Variants in GLRB observed in about 807,000 individuals in gnomAD.
GLRB encodes the protein glycine receptor subunit beta.
Under a neutral mutation model 54.2 loss-of-function variants are expected in GLRB, and 33 were observed. The ratio of observed to expected loss-of-function variants is 0.61; its 90% CI spans 0.46 to 0.81. GLRB has a LOEUF of 0.81. GLRB is among the 40% of genes least tolerant of loss of function. The pLI is 0.00. For synonymous variants in GLRB, 209 were observed against 208.2 expected (o/e 1.00, Z -0.03); for missense variants, 572 against 584.6 (o/e 0.98, Z 0.22).
chr4:157,148,355 T>C (rs1348517546), intron 8 of GLRB, among the ~76,000 whole-genome samples: 4 of 152,192 alleles, frequency 2.6e-5, no homozygotes, highest in African/African-American at 9.6e-5. Flanking sequence ...TCTCTATTTG[T>C]TTATTTTCCT....
intron 9 of GLRB, among the ~76,000 whole-genome samples, chr4:157,155,934 T>C (rs549452378): frequency 5.3e-5 from 8 of 151,950 alleles, no homozygotes; most frequent in African/African-American, 1.9e-4. Flanking sequence ...AAATGCTAGA[T>C]TTGTGATAGA....
intron 6 of GLRB, among the ~76,000 whole-genome samples, chr4:157,137,934 A>G (rs1380664133): frequency 6.6e-6 from 1 of 152,202 alleles, no homozygotes; most frequent in African/African-American, 2.4e-5. Flanking sequence ...TTTAAATTGT[A>G]GCCACATACC....
At chr4:157,149,085 TCTA>T (rs943780683) in intron 8 of GLRB, among the ~76,000 whole-genome samples, 3 of 152,110 alleles carry the variant, frequency 2.0e-5, no homozygotes, top group African/African-American at 7.2e-5. Context: ...CTTTCCTTAC[TCTA>T]CTATTTTTCC....
At chr4:157,139,135 T>C (rs114202363) in intron 7 of GLRB, among the ~76,000 whole-genome samples, 186 bp downstream of exon 7, 212 of 152,290 alleles carry the variant, frequency 1.4e-3, no homozygotes, top group African/African-American at 5.0e-3. Context: ...TTTGAACTTT[T>C]AATTATTAGA....
intron 9 of GLRB, among the ~76,000 whole-genome samples, chr4:157,159,631 A>G (rs1430576670): frequency 6.6e-6 from 1 of 152,218 alleles, no homozygotes; most frequent in African/African-American, 2.4e-5. Context: ...AGGATGGGTT[A>G]CATTTATTGA....
chr4:157,168,685 C>T (rs1243082589), intron 9 of GLRB, among the ~76,000 whole-genome samples: 1 of 151,958 alleles, frequency 6.6e-6, no homozygotes, highest in African/African-American at 2.4e-5. Context: ...TATTCCTCAT[C>T]AACATTTTTT....
rs3756127 is a variant in GLRB at position 157,137,734 on chromosome 4, A to G, written c.610+848A>G. Among the ~76,000 whole-genome samples, 940 of 152,246 alleles carry G rather than the reference A, an allele frequency of 6.2e-3. 22 individuals are homozygous for G. In the East Asian group the frequency reaches 0.1, roughly 16 times the overall value. On this transcript the variant is annotated intron_variant, in intron 6 of 9. Coordinates refer to ENST00000264428, the MANE Select transcript of GLRB (RefSeq NM_000824.5). Reference sequence around the variant, plus strand: ...AGATTTTGCACATGTATGTGTTTATATGTTTGCACATGTCTGTTTATGTTT... The same window carrying G: ...AGATTTTGCACATGTATGTGTTTATGTGTTTGCACATGTCTGTTTATGTTT...
chr4:157,083,607 G>A (rs57977555), intron 2 of GLRB, among the ~76,000 whole-genome samples: 64,175 of 151,960 alleles, frequency 0.42, 16,135 homozygotes, highest in African/African-American at 0.71. Flanking sequence ...AATACATTGT[G>A]TTTGATTACA....
At chr4:157,147,677 G>T (rs758117275) in intron 8 of GLRB, among the ~76,000 whole-genome samples, 1 of 152,160 alleles carries the variant, frequency 6.6e-6, no homozygotes, top group Non-Finnish European at 1.5e-5. Flanking sequence ...AAAAGTGCAG[G>T]AGCAGTGACC....
At chr4:157,166,935 A>T (rs1250112473) in intron 9 of GLRB, among the ~76,000 whole-genome samples, 2 of 152,110 alleles carry the variant, frequency 1.3e-5, no homozygotes, top group Non-Finnish European at 2.9e-5. Context: ...TAGATTAGAA[A>T]ATTGGAAATA....
At chr4:157,164,144 A>AT (rs200742243) in intron 9 of GLRB, among the ~76,000 whole-genome samples, 5,926 of 144,918 alleles carry the variant, frequency 0.041, 182 homozygotes, top group East Asian at 0.1. Flanking sequence ...CTTTACCAGT[A>AT]TTTTTTTTTT....
intron 9 of GLRB, among the ~76,000 whole-genome samples, chr4:157,165,744 CT>C (rs1486360808): frequency 2.0e-5 from 3 of 151,948 alleles, no homozygotes; most frequent in Non-Finnish European, 4.4e-5. Flanking sequence ...TAAGAACCTA[CT>C]GTTGTTAATG....
chr4:157,159,187 C>T (rs969724618), intron 9 of GLRB, among the ~76,000 whole-genome samples: 1 of 152,102 alleles, frequency 6.6e-6, no homozygotes, highest in Non-Finnish European at 1.5e-5. Flanking sequence ...ATTTTGTATC[C>T]TGAGACTTTG....
At chr4:157,123,022 T>C (rs1412522048) in intron 4 of GLRB, among the ~76,000 whole-genome samples, 1 of 151,738 alleles carries the variant, frequency 6.6e-6, no homozygotes, top group Non-Finnish European at 1.5e-5. Context: ...CTGTTGTCCA[T>C]GATAAGTTGG....
chr4:157,160,165 G>T (rs918494868), intron 9 of GLRB, among the ~76,000 whole-genome samples: 1 of 152,062 alleles, frequency 6.6e-6, no homozygotes, highest in Non-Finnish European at 1.5e-5. Flanking sequence ...TATTTCTGCG[G>T]GATCGGTGGT....
At chr4:157,080,356 CTA>C (rs1420600208) in intron 2 of GLRB, among the ~76,000 whole-genome samples, 2 of 152,174 alleles carry the variant, frequency 1.3e-5, no homozygotes, top group East Asian at 3.9e-4. Context: ...AATTATGAGA[CTA>C]GATCAAGCTT....
intron 2 of GLRB, among the ~76,000 whole-genome samples, chr4:157,101,960 A>C (rs1013220589): frequency 1.3e-5 from 2 of 152,200 alleles, no homozygotes; most frequent in Non-Finnish European, 2.9e-5. Context: ...CATGTGCCAG[A>C]TTCTCCTTAG....
chr4:157,158,872 G>A (rs897795937), intron 9 of GLRB, among the ~76,000 whole-genome samples: 1 of 145,710 alleles, frequency 6.9e-6, no homozygotes, highest in South Asian at 2.1e-4. Context: ...TATGAAGAAA[G>A]TCATTGTTAG....
intron 2 of GLRB, among the ~76,000 whole-genome samples, chr4:157,098,204 G>T (rs1329538393): frequency 6.6e-6 from 1 of 151,998 alleles, no homozygotes. Context: ...TATCATATCT[G>T]TGAGATTTCA....
Sources: allele counts gnomAD v4.1 joint callset (sites outside exome capture counted in the v4.1 genomes callset), GRCh38; gene constraint gnomAD v4.1.1; transcripts MANE v1.5; gene names NCBI Gene and HGNC (gene_info 2026-07-23, HGNC 2026-07-21).